TBL1X: variants seen among roughly 807,000 people sequenced by gnomAD.
TBL1X encodes the protein transducin beta like 1 X-linked.
TBL1X carries 10 observed loss-of-function variants against 50.7 expected under a neutral mutation model. The ratio of observed to expected loss-of-function variants is 0.20; its 90% CI spans 0.12 to 0.33. The LOEUF (loss-of-function observed/expected upper bound fraction) is 0.33. TBL1X is among the 10% of genes least tolerant of loss of function. The pLI, the probability that TBL1X is intolerant of heterozygous loss-of-function variation, is 1.00. For synonymous variants in TBL1X, 190 were observed against 214.7 expected (o/e 0.88, Z 1.01); for missense variants, 340 against 504.4 (o/e 0.67, Z 3.12).
chrX:9,642,874 G>T (rs962243130), intron 3 of TBL1X, among the ~76,000 whole-genome samples: 19 of 112,533 alleles, frequency 1.7e-4, no homozygotes, highest in African/African-American at 5.2e-4. Context: ...CTGGGTTGCA[G>T]TTTGCTGACC....
intron 2 of TBL1X, among the ~76,000 whole-genome samples, chrX:9,565,954 G>C (rs908865052): frequency 8.9e-6 from 1 of 112,353 alleles, no homozygotes; most frequent in Non-Finnish European, 1.9e-5. Context: ...GTGATAGATG[G>C]TGCTAAAAGG....
intron 1 of TBL1X, among the ~76,000 whole-genome samples, chrX:9,500,780 C>T (rs778341133): frequency 4.5e-5 from 5 of 112,005 alleles, no homozygotes; most frequent in African/African-American, 1.6e-4. Context: ...CCCATCCTAA[C>T]GTCTGCCGGG....
At chrX:9,645,034 C>G (rs1848161947) in intron 3 of TBL1X, 1 of 112,165 alleles carries the variant, frequency 8.9e-6, no homozygotes, top group Admixed American at 9.4e-5. Flanking sequence ...CCCTCCCAAC[C>G]CTGTAGCCTC....
chrX:9,704,875 C>G, intron 12 of TBL1X, 118 bp from the exon 13 acceptor site: 1 of 1,103,492 alleles, frequency 9.1e-7, no homozygotes, highest in South Asian at 2.1e-5. Context: ...CAGGCCCTGT[C>G]TCTAGAATAA....
intron 1 of TBL1X, among the ~76,000 whole-genome samples, chrX:9,480,168 G>C (rs1317734625): frequency 2.7e-5 from 3 of 111,595 alleles, no homozygotes; most frequent in Non-Finnish European, 5.7e-5. Flanking sequence ...TGGTCAAGCT[G>C]GTCTCGAACT....
chrX:9,587,444 A>G (rs1275534412), intron 2 of TBL1X, among the ~76,000 whole-genome samples: 2 of 111,617 alleles, frequency 1.8e-5, no homozygotes, highest in Non-Finnish European at 3.8e-5. Flanking sequence ...CCGAGTTCAC[A>G]TTATTTGCAC....
intron 2 of TBL1X, among the ~76,000 whole-genome samples, chrX:9,519,070 C>T (rs913132628): frequency 9.0e-6 from 1 of 111,170 alleles, no homozygotes. Context: ...GTTGTGTCAC[C>T]TTGAGCCTGG....
At chrX:9,474,429 C>T (rs966039046) in intron 1 of TBL1X, among the ~76,000 whole-genome samples, 2 of 113,182 alleles carry the variant, frequency 1.8e-5, no homozygotes, top group Non-Finnish European at 3.7e-5. Flanking sequence ...CATGTATGTG[C>T]GTTAAGTAAC....
chrX:9,665,218 T>TTTTTC, intron 5 of TBL1X, among the ~76,000 whole-genome samples: 1 of 108,036 alleles, frequency 9.3e-6, no homozygotes, highest in Non-Finnish European at 1.9e-5. Context: ...GGAGAAAGTC[T>TTTTTC]GCCAAAAGCA....
chrX:9,556,569 A>C (rs2082301243), intron 2 of TBL1X, among the ~76,000 whole-genome samples: 1 of 109,773 alleles, frequency 9.1e-6, no homozygotes, highest in Admixed American at 9.7e-5. Flanking sequence ...TGGGAGGATC[A>C]CTTGAGTCCA....
At chrX:9,642,495 G>C (rs1050308683) in intron 3 of TBL1X, among the ~76,000 whole-genome samples, 7 of 111,947 alleles carry the variant, frequency 6.3e-5, no homozygotes, top group Non-Finnish European at 1.3e-4. Context: ...ATCCATCGCA[G>C]ACCCTGGTGA....
chrX:9,499,372 A>G (rs1276548632), intron 1 of TBL1X, among the ~76,000 whole-genome samples: 2 of 112,070 alleles, frequency 1.8e-5, no homozygotes, highest in Admixed American at 9.5e-5. Context: ...GAGGGGAAAG[A>G]CAATAAAAAG....
intron 5 of TBL1X, among the ~76,000 whole-genome samples, chrX:9,669,531 C>T (rs780368902): frequency 2.7e-5 from 3 of 111,765 alleles, no homozygotes; most frequent in Non-Finnish European, 5.6e-5. Flanking sequence ...GCTTAAGGTC[C>T]AGTCTACAAA....
intron 2 of TBL1X, among the ~76,000 whole-genome samples, chrX:9,570,797 C>A (rs1234207456): frequency 9.3e-5 from 10 of 107,765 alleles, no homozygotes; most frequent in Non-Finnish European, 1.9e-4. Context: ...CCTGCCTCAG[C>A]CTCCCAAGTA....
chrX:9,547,098 G>A (rs968670730), intron 2 of TBL1X, among the ~76,000 whole-genome samples: 5 of 109,830 alleles, frequency 4.6e-5, no homozygotes, highest in African/African-American at 1.0e-4. Context: ...GATTACAGGC[G>A]TGGGCCACCG....
intron 2 of TBL1X, among the ~76,000 whole-genome samples, chrX:9,517,153 G>A (rs1185129430): frequency 9.0e-6 from 1 of 111,573 alleles, no homozygotes; most frequent in African/African-American, 3.3e-5. Context: ...CAGGAAAGGC[G>A]AGAGGAAGAG....
chrX:9,549,366 G>GA (rs2082260131), intron 2 of TBL1X, among the ~76,000 whole-genome samples: 1 of 112,716 alleles, frequency 8.9e-6, no homozygotes, highest in African/African-American at 3.2e-5. Context: ...TGGCCAGGGT[G>GA]AAAAAACTAA....
At chrX:9,563,004 A>C (rs1010116628) in intron 2 of TBL1X, among the ~76,000 whole-genome samples, 1 of 112,441 alleles carries the variant, frequency 8.9e-6, no homozygotes, top group Non-Finnish European at 1.9e-5. Context: ...ACAGTTTGCT[A>C]TATCTGTGGT....
intron 2 of TBL1X, chrX:9,531,234 G>A (rs893323269): frequency 6.3e-5 from 7 of 110,570 alleles, no homozygotes; most frequent in Non-Finnish European, 1.3e-4. Context: ...GGAGAGACAG[G>A]GAGAGAGGGA....
Sources: gnomAD v4.1 joint callset for allele counts (sites outside exome capture counted in the v4.1 genomes callset) on GRCh38, gnomAD v4.1.1 for gene constraint, MANE v1.5 for transcripts, NCBI Gene and HGNC (gene_info 2026-07-23, HGNC 2026-07-21) for gene names.